PLCZ1: variants seen among roughly 807,000 people sequenced by gnomAD.
PLCZ1 encodes phospholipase C zeta 1.
A neutral mutation model predicts 76.8 loss-of-function variants in PLCZ1; 64 were observed. The ratio of observed to expected loss-of-function variants is 0.83; its 90% CI spans 0.68 to 1.03. The LOEUF (loss-of-function observed/expected upper bound fraction) is 1.03. Among genes scored for constraint, PLCZ1 ranks in the 50% least tolerant of loss-of-function variants. The probability of loss-of-function intolerance (pLI) is 0.00; values close to 1 mark genes in which losing one functional copy is unlikely to be tolerated. For synonymous variants in PLCZ1, 248 were observed against 230.8 expected, an observed-to-expected ratio of 1.07 and a Z score of -0.68; for missense variants, 751 against 713.7, an observed-to-expected ratio of 1.05 and a Z score of -0.60.
chr12:18,723,581 TA>T (rs377648042), intron 3 of PLCZ1, 39 bp from the exon 4 acceptor site: 2 of 1,436,126 alleles, frequency 1.4e-6, no homozygotes, highest in Non-Finnish European at 9.8e-7. Context: ...ATTGTGAGTA[TA>T]AAAAATACAT....
At chr12:18,645,811 T>C in the PLCZ1 span, among the ~76,000 whole-genome samples, 1 of 152,176 alleles carries the variant, frequency 6.6e-6, no homozygotes. Context: ...TATTGATATG[T>C]TTTTTAAAAA....
At position 18,694,950 on chromosome 12, in the gene PLCZ1, C is replaced by G. The variant is rs1032753329; in HGVS notation, c.1421G>C (p.Ser474Thr). Reference protein sequence around the residue: ...LRESKSYFNPSNIKEGMPITL... With the variant: ...LRESKSYFNPTNIKEGMPITL... ...AATTGGCATACCCTCTTTTATGTTACTTGGGTTAAAGTATGATTTACTCTC... is the reference window on the plus strand; with the variant it reads ...AATTGGCATACCCTCTTTTATGTTAGTTGGGTTAAAGTATGATTTACTCTC... The change falls in exon 12 of 15, where the codon AGT (serine) becomes ACT (threonine). Residue 474 changes from serine (S) to threonine (T), a missense_variant. Physicochemically the swap from Ser to Thr is moderately conservative, Grantham distance 58. Coordinates refer to ENST00000266505, the MANE Select transcript of PLCZ1 (RefSeq NM_033123.4). 1 of 1,603,728 alleles carries G rather than the reference C, an allele frequency of 6.2e-7. No individual in the cohort carries two copies.
At chr12:18,735,552 T>G (rs1221110490) in intron 3 of PLCZ1, among the ~76,000 whole-genome samples, 1 of 152,074 alleles carries the variant, frequency 6.6e-6, no homozygotes, top group African/African-American at 2.4e-5. Flanking sequence ...TCAGTCTCCT[T>G]TTTGTTATTG....
At chr12:18,710,693 G>T (rs1042462454) in intron 6 of PLCZ1, among the ~76,000 whole-genome samples, 1 of 152,102 alleles carries the variant, frequency 6.6e-6, no homozygotes, top group African/African-American at 2.4e-5. Flanking sequence ...CAGTAAAAAT[G>T]GGCAGAGATA....
the PLCZ1 span, among the ~76,000 whole-genome samples, chr12:18,649,530 C>T: frequency 2.0e-5 from 3 of 152,094 alleles, no homozygotes; most frequent in Admixed American, 6.6e-5. Context: ...TACCCCACTT[C>T]CCTGCCAATT....
the PLCZ1 span, among the ~76,000 whole-genome samples, chr12:18,649,384 T>C: frequency 2.0e-5 from 3 of 152,168 alleles, no homozygotes; most frequent in Admixed American, 6.6e-5. Context: ...TCCCATCTCC[T>C]CTGACCTACT....
chr12:18,712,674 A>C (rs139613531), intron 6 of PLCZ1, among the ~76,000 whole-genome samples, 168 bp downstream of exon 6: 1 of 152,300 alleles, frequency 6.6e-6, no homozygotes, highest in African/African-American at 2.4e-5. Flanking sequence ...ACTTTGATAA[A>C]TCTACCTTTA....
At chr12:18,665,204 G>C in the PLCZ1 span, among the ~76,000 whole-genome samples, 4 of 151,650 alleles carry the variant, frequency 2.6e-5, no homozygotes, top group Non-Finnish European at 5.9e-5. Context: ...AACAAAGAAT[G>C]GTGGTTGCCA....
the PLCZ1 span, among the ~76,000 whole-genome samples, chr12:18,655,342 G>A: frequency 2.0e-5 from 3 of 152,110 alleles, no homozygotes; most frequent in African/African-American, 7.2e-5. Flanking sequence ...GACAAGTTGG[G>A]TAAGTAACAT....
At chr12:18,675,021 A>G in the PLCZ1 span, among the ~76,000 whole-genome samples, 1 of 152,146 alleles carries the variant, frequency 6.6e-6, no homozygotes, top group African/African-American at 2.4e-5. Context: ...ACTTCCAAAG[A>G]CGGCAATAGT....
Position 18,723,450 on chromosome 12 carries a change from A to G in PLCZ1, c.228T>C (p.Ile76=), listed in dbSNP as rs764127654. 6 of 1,612,858 alleles carry G rather than the reference A, an allele frequency of 3.7e-6. No individual in the cohort carries two copies. Among genetic ancestry groups the G allele is most frequent in the Middle Eastern group, 1.6e-4 (1 of 6,074 alleles). Residue 76 remains isoleucine (I), a synonymous_variant, in exon 4 of 15, where the codon ATT becomes ATC. Transcript: ENST00000266505. ...IITHREEIIE[I]FNTYSENRKI... is the part of the protein sequence containing the mutation. Reference sequence around the variant, plus strand: ...TCCGGTTTTCAGAATATGTGTTGAAAATCTCAATAATTTCTTCTCTGTGCG... The same window carrying G: ...TCCGGTTTTCAGAATATGTGTTGAAGATCTCAATAATTTCTTCTCTGTGCG...
chr12:18,677,820 A>G, the PLCZ1 span, among the ~76,000 whole-genome samples: 1 of 152,236 alleles, frequency 6.6e-6, no homozygotes, highest in African/African-American at 2.4e-5. Context: ...ATATAAGCAC[A>G]AATCTATCCT....
intron 6 of PLCZ1, among the ~76,000 whole-genome samples, chr12:18,707,811 T>C (rs528957680): frequency 1.3e-5 from 2 of 152,298 alleles, no homozygotes; most frequent in South Asian, 2.1e-4. Context: ...GGAAGTCTCA[T>C]TGAGTCTCCA....
chr12:18,708,331 G>T (rs770947554), intron 6 of PLCZ1, among the ~76,000 whole-genome samples: 4 of 152,040 alleles, frequency 2.6e-5, no homozygotes, highest in Non-Finnish European at 4.4e-5. Context: ...TCATGCTGTG[G>T]TAAATGGAAA....
At position 18,715,298 on chromosome 12, in the gene PLCZ1, A is replaced by G. The variant is rs148386407; in HGVS notation, c.570-2312T>C. 7.2e-3 allele frequency among the ~76,000 whole-genome samples: 1,082 copies of G among 150,896 alleles called. 11 individuals carry two copies. The highest frequency in any genetic ancestry group is 0.026 in the African/African-American group (1,049 of 40,918). The stretch of plus-strand genomic sequence containing the variant: ...ATGAGGAAGTAAGGCTTTAGAGAGA[A>G]AGAGAATTGGTGAATCTCATTTAAC... On this transcript the variant is annotated intron_variant, in intron 5 of 14. Coordinates refer to ENST00000266505, the MANE Select transcript of PLCZ1 (RefSeq NM_033123.4).
intron 7 of PLCZ1, among the ~76,000 whole-genome samples, chr12:18,704,289 A>C (rs942076974): frequency 6.6e-6 from 1 of 152,170 alleles, no homozygotes; most frequent in African/African-American, 2.4e-5. Context: ...GCAAGGAGAC[A>C]AGAAAATGAA....
chr12:18,725,949 T>C (rs151146162), intron 3 of PLCZ1, among the ~76,000 whole-genome samples: 1 of 152,234 alleles, frequency 6.6e-6, no homozygotes, highest in African/African-American at 2.4e-5. Context: ...CACTTTCTTC[T>C]CTTACAGGCC....
rs1565728087 is a variant in PLCZ1, at chr12:18,719,619, G to T, written c.381C>A (p.His127Gln). 2 of 1,599,656 alleles carry T rather than the reference G, an allele frequency of 1.3e-6. No homozygotes were observed. Among genetic ancestry groups the T allele is most frequent in the Admixed American group, 1.7e-5 (1 of 58,874 alleles). The change falls in exon 5 of 15, where the codon CAC becomes CAA. Residue 127 changes from histidine to glutamine, a missense_variant. Physicochemically the swap from His to Gln is conservative, Grantham distance 24. Coordinates refer to ENST00000266505, the MANE Select transcript of PLCZ1 (RefSeq NM_033123.4). Reference protein sequence around the residue: ...YEPIEEVRKAHQMSLEGFTRY... With the variant: ...YEPIEEVRKAQQMSLEGFTRY... ...TTGTAAAACCTTCTAATGACATTTGGTGTGCTTTCCTAACTAAAAAAATAA... is the reference window on the plus strand; with the variant it reads ...TTGTAAAACCTTCTAATGACATTTGTTGTGCTTTCCTAACTAAAAAAATAA...
At chr12:18,668,464 G>A in the PLCZ1 span, among the ~76,000 whole-genome samples, 32 of 152,332 alleles carry the variant, frequency 2.1e-4, no homozygotes, top group South Asian at 6.2e-3. Flanking sequence ...GCACCAAGGT[G>A]AGACAAGGAC....
Sources: gnomAD v4.1 joint callset for allele counts (sites outside exome capture counted in the v4.1 genomes callset) on GRCh38, gnomAD v4.1.1 for gene constraint, MANE v1.5 for transcripts, NCBI Gene and HGNC (gene_info 2026-07-23, HGNC 2026-07-21) for gene names.